CA5A: variants seen among roughly 807,000 people sequenced by gnomAD.
CA5A encodes carbonic anhydrase 5A.
CA5A carries 28 observed loss-of-function variants against 37.1 expected under a neutral mutation model. The ratio of observed to expected loss-of-function variants is 0.75; its 90% CI spans 0.56 to 1.03. The LOEUF (loss-of-function observed/expected upper bound fraction) is 1.03. CA5A is among the 50% of genes least tolerant of loss of function. CA5A has a pLI of 0.00. For synonymous variants in CA5A, 171 were observed against 158.4 expected (o/e 1.08, Z -0.60); for missense variants, 444 against 399.9 (o/e 1.11, Z -0.94).
chr16:87,913,996 C>T (rs868344143), intron 2 of CA5A, among the ~76,000 whole-genome samples: 2 of 152,210 alleles, frequency 1.3e-5, no homozygotes, highest in African/African-American at 2.4e-5. Flanking sequence ...CTGTGCTTGA[C>T]GTCGCTTATT....
intron 2 of CA5A, among the ~76,000 whole-genome samples, chr16:87,925,115 G>C (rs1364168968): frequency 6.6e-6 from 1 of 152,220 alleles, no homozygotes; most frequent in African/African-American, 2.4e-5. Context: ...AAGATCCCCA[G>C]GCACGTGGGA....
rs762714548 is a variant in CA5A at position 87,904,849 on chromosome 16, G to A, written c.396C>T (p.His132=). The change falls in exon 3 of 7, where the codon CAC becomes CAT. Residue 132 remains histidine, a synonymous_variant. Transcript: ENST00000649794. ...AGCCCCCCTCGTTCACTGCTCCCCA[G>A]TGGAAGTGAAATTGCTTCAGTCTGT... ...NHYRLKQFHF[H]WGAVNEGGSE... is the part of the protein sequence containing the mutation. 10 of 1,613,574 alleles carry A rather than the reference G, an allele frequency of 6.2e-6. No homozygotes were observed. The highest frequency in any genetic ancestry group is 5.0e-5 in the Admixed American group (3 of 59,994).
At chr16:87,927,856 CAAAAA>C (rs569544193) in intron 1 of CA5A, among the ~76,000 whole-genome samples, 2 of 78,946 alleles carry the variant, frequency 2.5e-5, no homozygotes, top group Admixed American at 3.0e-4. Context: ...GACTCTGCCT[CAAAAA>C]AAAAAAAAAA....
At position 87,911,188 on chromosome 16, in the gene CA5A, C is replaced by G. The variant is rs1665961492; in HGVS notation, c.341-6284G>C. ...CCCATCCCCCGGACTCTGCTATCAG[C>G]AGGGCTGGTCCACCGGGCAGCACTG... On this transcript the variant is annotated intron_variant, in intron 2 of 6. Transcript: ENST00000649794. This position sits in a 1 kb window ranked among gnomAD's most constrained non-coding sequence, Gnocchi z 4.6. Among the ~76,000 whole-genome samples, 1 of 151,760 alleles carries G rather than the reference C, an allele frequency of 6.6e-6. No individual in the cohort carries two copies. The highest frequency in any genetic ancestry group is 6.6e-5 in the Admixed American group (1 of 15,206).
At chr16:87,924,701 C>T (rs1476816304) in intron 2 of CA5A, among the ~76,000 whole-genome samples, 2 of 152,246 alleles carry the variant, frequency 1.3e-5, no homozygotes, top group Non-Finnish European at 2.9e-5. Flanking sequence ...GGGGAAGCCC[C>T]GGTGAGCATG....
intron 2 of CA5A, among the ~76,000 whole-genome samples, chr16:87,917,721 G>A (rs929566241): frequency 0.037 from 2,802 of 75,764 alleles, 43 homozygotes; most frequent in South Asian, 0.066. Context: ...ACATGAACAC[G>A]TGCACACACA....
At chr16:87,910,949 C>T (rs1274817622) in intron 2 of CA5A, among the ~76,000 whole-genome samples, 1 of 151,930 alleles carries the variant, frequency 6.6e-6, no homozygotes, top group Non-Finnish European at 1.5e-5. Flanking sequence ...GGGGTTTCAC[C>T]ATGTTGGCCA....
chr16:87,910,704 A>G (rs980910247), intron 2 of CA5A, among the ~76,000 whole-genome samples: 3 of 151,850 alleles, frequency 2.0e-5, no homozygotes, highest in African/African-American at 7.3e-5. Flanking sequence ...CAGCCTCCTG[A>G]GTTGCTGGGA....
At chr16:87,901,997 G>T in intron 4 of CA5A, 23 bp from the exon 5 acceptor site, 1 of 1,610,334 alleles carries the variant, frequency 6.2e-7, no homozygotes, top group Non-Finnish European at 8.5e-7. Context: ...CAAAGGAGGG[G>T]TTAGCTGCAA....
intron 2 of CA5A, among the ~76,000 whole-genome samples, chr16:87,906,393 C>A (rs1466459178): frequency 6.6e-6 from 1 of 152,070 alleles, no homozygotes; most frequent in Non-Finnish European, 1.5e-5. Context: ...TTTGGGAGGC[C>A]GAGGCGGGCG....
Position 87,911,580 on chromosome 16 carries a change from G to C in CA5A, c.341-6676C>G, listed in dbSNP as rs1393196029. ...CCTGCTTCCGGTGCCACTCTGGGAG[G>C]TAGTGCACGTTCCCAAGCTGTAAAG... On this transcript the variant is annotated intron_variant, in intron 2 of 6. Transcript: ENST00000649794. This position sits in a 1 kb window ranked among gnomAD's most constrained non-coding sequence, Gnocchi z 4.6. Among the ~76,000 whole-genome samples, 1 of 151,732 alleles carries C rather than the reference G, an allele frequency of 6.6e-6. No homozygotes were observed. Among genetic ancestry groups the C allele is most frequent in the Non-Finnish European group, 1.5e-5 (1 of 67,908 alleles).
At chr16:87,893,418 C>T (rs879840210) in intron 5 of CA5A, 32 of 496,126 alleles carry the variant, frequency 6.4e-5, no homozygotes, top group East Asian at 3.2e-4. Context: ...TGAGCCACCA[C>T]GCCCGGCTTG....
chr16:87,908,588 A>G (rs1446420258), intron 2 of CA5A, among the ~76,000 whole-genome samples: 1 of 152,150 alleles, frequency 6.6e-6, no homozygotes, highest in Non-Finnish European at 1.5e-5. Context: ...AAAACCTAGT[A>G]GAAAAGTCAC....
chr16:87,923,508 G>T (rs1326650793), intron 2 of CA5A: 2 of 980,048 alleles, frequency 2.0e-6, no homozygotes, highest in East Asian at 1.1e-4. Flanking sequence ...TTTAAAGGGG[G>T]TCTGTCCACA....
At chr16:87,935,305 T>C (rs1317651371) in intron 1 of CA5A, among the ~76,000 whole-genome samples, 1 of 152,222 alleles carries the variant, frequency 6.6e-6, no homozygotes, top group African/African-American at 2.4e-5. Context: ...CACAAGGCAC[T>C]GACCATGAAG....
chr16:87,896,909 G>A (rs1278050543), intron 5 of CA5A, among the ~76,000 whole-genome samples: 1 of 152,226 alleles, frequency 6.6e-6, no homozygotes, highest in Admixed American at 6.5e-5. Context: ...CACAGTGCTG[G>A]GATTATAGGC....
chr16:87,917,604 ACC>A (rs753459555), intron 2 of CA5A, among the ~76,000 whole-genome samples: 2 of 151,832 alleles, frequency 1.3e-5, no homozygotes, highest in African/African-American at 2.4e-5. Flanking sequence ...ACATGCACAC[ACC>A]ACACATGTGC....
At chr16:87,892,030 G>C (rs2143904846) in intron 5 of CA5A, 76 bp from the exon 6 acceptor site, 1 of 1,333,474 alleles carries the variant, frequency 7.5e-7, no homozygotes, top group African/African-American at 1.5e-5. Context: ...CAGCACGTGA[G>C]GCCTTCATGG....
intron 2 of CA5A, among the ~76,000 whole-genome samples, chr16:87,912,191 A>G (rs915793381): frequency 7.9e-5 from 12 of 152,168 alleles, no homozygotes; most frequent in African/African-American, 2.4e-4. Flanking sequence ...AGTGCCAGCT[A>G]CTTGGGAGGC....
Sources: allele counts gnomAD v4.1 joint callset (sites outside exome capture counted in the v4.1 genomes callset), GRCh38; gene constraint gnomAD v4.1.1; non-coding constraint Gnocchi (gnomAD v3.1); transcripts MANE v1.5; gene names NCBI Gene and HGNC (gene_info 2026-07-23, HGNC 2026-07-21).